The following TBC1D24 variants were observed in gnomAD, a reference collection of about 807,000 sequenced individuals.
TBC1D24 encodes the protein TBC1 domain family member 24.
TBC1D24 carries 47 observed loss-of-function variants against 50.7 expected under a neutral mutation model. The ratio of observed to expected loss-of-function variants is 0.93; its 90% CI spans 0.73 to 1.18. The LOEUF is 1.18. Among genes scored for constraint, TBC1D24 ranks in the 50% most tolerant of loss-of-function variants. TBC1D24 has a pLI of 0.00. For synonymous variants in TBC1D24, 324 were observed against 335.2 expected, an observed-to-expected ratio of 0.97 and a Z score of 0.36; for missense variants, 688 against 766.5, an observed-to-expected ratio of 0.90 and a Z score of 1.21.
chr16:2,480,532 T>C (rs1052956152), intron 1 of TBC1D24: 2 of 152,002 alleles, frequency 1.3e-5, no homozygotes, highest in African/African-American at 4.8e-5. Flanking sequence ...TCTGCCTGAT[T>C]GTTACATAAT....
intron 1 of TBC1D24, chr16:2,481,755 G>A (rs1022231480): frequency 1.3e-5 from 2 of 152,302 alleles, no homozygotes; most frequent in African/African-American, 4.8e-5. Flanking sequence ...GGCTGGCCAA[G>A]GTTGAGGCTC....
In TBC1D24 at chr16:2,501,071, C is replaced by A; in HGVS notation, c.*113C>A. On this transcript the variant is annotated 3_prime_UTR_variant, in exon 8 of 8. Transcript: ENST00000646147. ...CCATGTGGTAGGCAGGGTTGGGGGA[C>A]GGCAGGACCCCATGGCCAAGCCTGG... 2 of 1,399,826 alleles carry A rather than the reference C, an allele frequency of 1.4e-6. No homozygotes were observed. The highest frequency in any genetic ancestry group is 2.1e-5 in the Admixed American group (1 of 48,718). The allele number at this position is 1,399,826 out of a possible 1,614,324, so 86.7% of individuals were successfully genotyped here.
intron 1 of TBC1D24, among the ~76,000 whole-genome samples, chr16:2,488,108 T>C (rs61608337): frequency 0.086 from 13,063 of 152,254 alleles, 1,845 homozygotes; most frequent in African/African-American, 0.29. Context: ...TAGCTCAGGG[T>C]GCCACACTCT....
chr16:2,475,348 A>G lies in TBC1D24; in HGVS notation c.-116+178A>G, dbSNP rs1212825401. ...CGGGTTGGGGGCTCCAGAGCCCGGC[A>G]CCGCCCGGCGCTGCAGCTGCGGCTT... is the stretch of plus-strand genomic sequence containing the variant. On this transcript the variant is annotated intron_variant, in intron 1 of 7. Coordinates refer to ENST00000646147, the MANE Select transcript of TBC1D24 (RefSeq NM_001199107.2). This position sits in a 1 kb window ranked among gnomAD's most constrained non-coding sequence, Gnocchi z 4.2. Among the ~76,000 whole-genome samples, 1 of 149,544 alleles carries G rather than the reference A, an allele frequency of 6.7e-6. No individual in the cohort carries two copies. Among genetic ancestry groups the G allele is most frequent in the Admixed American group, 6.7e-5 (1 of 14,990 alleles).
intron 1 of TBC1D24, chr16:2,479,343 C>T (rs1470641697): frequency 1.3e-5 from 2 of 152,252 alleles, no homozygotes; most frequent in Admixed American, 6.5e-5. Context: ...ACCTAGTTCA[C>T]CTGCAGTCTG....
At chr16:2,488,387 T>C (rs2065667798) in intron 1 of TBC1D24, among the ~76,000 whole-genome samples, 1 of 150,838 alleles carries the variant, frequency 6.6e-6, no homozygotes, top group Admixed American at 6.6e-5. Flanking sequence ...GCCAGAACTG[T>C]GCCCTGTGGC....
At chr16:2,498,550 C>T (rs1257837903) in intron 4 of TBC1D24, among the ~76,000 whole-genome samples, 154 bp downstream of exon 4, 1 of 152,238 alleles carries the variant, frequency 6.6e-6, no homozygotes, top group Non-Finnish European at 1.5e-5. Flanking sequence ...GGGCTCTGTC[C>T]TCCCCACACC....
At chr16:2,489,269 A>G (rs2141862798) in intron 1 of TBC1D24, among the ~76,000 whole-genome samples, 1 of 150,766 alleles carries the variant, frequency 6.6e-6, no homozygotes, top group East Asian at 2.0e-4. Context: ...ATCTCTACTA[A>G]AAATACAAAA....
rs1183710426 is a variant in TBC1D24 at position 2,488,296 on chromosome 16, G to A, written c.-115-7738G>A. On this transcript the variant is annotated intron_variant, in intron 1 of 7. Coordinates refer to ENST00000646147, the MANE Select transcript of TBC1D24 (RefSeq NM_001199107.2). ...TCAACTGGCAGGAACTGCCCTCCCT[G>A]GGAAGGCTGCTGGGGCTGTGGCGGG... Among the ~76,000 whole-genome samples, 9 of 152,206 alleles carry A rather than the reference G, an allele frequency of 5.9e-5. No homozygotes were observed. In the East Asian group the frequency reaches 1.7e-3, roughly 29 times the overall value.
At chr16:2,489,656 A>C (rs2141863273) in intron 1 of TBC1D24, among the ~76,000 whole-genome samples, 1 of 152,206 alleles carries the variant, frequency 6.6e-6, no homozygotes, top group South Asian at 2.1e-4. Flanking sequence ...GTGGCCTGTG[A>C]GAGAGCTGCC....
intron 1 of TBC1D24, 80 bp from the exon 2 acceptor site, chr16:2,495,954 A>G: frequency 1.4e-6 from 1 of 719,460 alleles, no homozygotes; most frequent in Non-Finnish European, 2.2e-6. Flanking sequence ...AAAGAAAACT[A>G]CACCACATTT....
chr16:2,496,871 C>T lies in TBC1D24; in HGVS notation c.723C>T (p.Tyr241=). 1 of 1,614,140 alleles carries T rather than the reference C, an allele frequency of 6.2e-7. No homozygotes were observed. The highest frequency in any genetic ancestry group is 8.5e-7 in the Non-Finnish European group (1 of 1,180,054). The change falls in exon 2 of 8, where the codon TAC becomes TAT. Residue 241 remains tyrosine, a synonymous_variant. Coordinates refer to ENST00000646147, the MANE Select transcript of TBC1D24 (RefSeq NM_001199107.2). The stretch of plus-strand genomic sequence containing the variant: ...TGGTGGAGGGCTACAAGGTGCTGTA[C>T]CGCGTGGCGCTGGCCATCCTCAAGT... ...VFLVEGYKVL[Y]RVALAILKFF...
At chr16:2,476,977 T>G (rs2065574124) in intron 1 of TBC1D24, 1 of 152,224 alleles carries the variant, frequency 6.6e-6, no homozygotes, top group Non-Finnish European at 1.5e-5. Context: ...TCAGAAAACA[T>G]ATTAAATGTT....
At position 2,496,148 on chromosome 16, in the gene TBC1D24, T is replaced by A. The variant is rs2065734873; in HGVS notation, c.-1T>A. The A allele has an allele frequency of 6.2e-7, 1 of 1,613,624 alleles. No individual in the cohort carries two copies. The highest frequency in any genetic ancestry group is 1.1e-5 in the South Asian group (1 of 91,070). On this transcript the variant is annotated 5_prime_UTR_variant, in exon 2 of 8. Transcript: ENST00000646147. ...GGCCTCCTCCCGAGCACAGCGGCGC[T>A]ATGGACTCTCCAGGATACAACTGCT...
Position 2,500,711 on chromosome 16 carries a change from C to G in TBC1D24, c.1526-93C>G. 6.7e-7 allele frequency: 1 copy of G among 1,489,436 alleles called. No individual in the cohort carries two copies. The highest frequency in any genetic ancestry group is 9.0e-7 in the Non-Finnish European group (1 of 1,114,710). 92.3% of individuals were successfully genotyped at this position (1,489,436 alleles called of 1,614,324 possible). Reference sequence around the variant, plus strand: ...ACGGTCTGTGCGGTTTCAGAGAGGCCCGTGCAGGGCAGGACAGCTGGGACA... The same window carrying G: ...ACGGTCTGTGCGGTTTCAGAGAGGCGCGTGCAGGGCAGGACAGCTGGGACA... On this transcript the variant is annotated intron_variant, in intron 7 of 7. Coordinates refer to ENST00000646147, the MANE Select transcript of TBC1D24 (RefSeq NM_001199107.2). This position sits in a 1 kb window ranked among gnomAD's most constrained non-coding sequence, Gnocchi z 8.0.
Position 2,500,237 on chromosome 16 carries a change from G to T in TBC1D24, c.1303-31G>T. 3.2e-6 allele frequency: 5 copies of T among 1,554,908 alleles called. No homozygotes were observed. Among genetic ancestry groups the T allele is most frequent in the Non-Finnish European group, 4.4e-6 (5 of 1,143,908 alleles). On this transcript the variant is annotated intron_variant, in intron 6 of 7. Coordinates refer to ENST00000646147, the MANE Select transcript of TBC1D24 (RefSeq NM_001199107.2). The surrounding 1 kb of genome is among the most constrained non-coding windows in gnomAD (Gnocchi z 8.0). ...GGCAGAGGGGCCTGCGAACGCCCGCGCCAGCTCCTCACACTCCCCTTCCAC... is the reference window on the plus strand; with the variant it reads ...GGCAGAGGGGCCTGCGAACGCCCGCTCCAGCTCCTCACACTCCCCTTCCAC...
At position 2,496,423 on chromosome 16, in the gene TBC1D24, T is replaced by G; in HGVS notation, c.275T>G (p.Leu92Arg). 6.2e-7 allele frequency: 1 copy of G among 1,612,938 alleles called. No homozygotes were observed. The highest frequency in any genetic ancestry group is 1.7e-5 in the Admixed American group (1 of 60,024). The change falls in exon 2 of 8, where the codon CTG becomes CGG. Residue 92 changes from leucine (L) to arginine (R), a missense_variant. Physicochemically the swap from Leu to Arg is moderately radical, Grantham distance 102. Transcript: ENST00000646147. ...VGKHSSSCLP[L>R]PEFVDNTQVP... Reference sequence around the variant, plus strand: ...AAGCACAGCAGCAGCTGCCTGCCGCTGCCCGAGTTCGTGGACAACACGCAG... The same window carrying G: ...AAGCACAGCAGCAGCTGCCTGCCGCGGCCCGAGTTCGTGGACAACACGCAG...
At position 2,499,967 on chromosome 16, in the gene TBC1D24, ACCCTGTAGCTGCAT is replaced by A. The variant is rs1298135594; in HGVS notation, c.1302+42_1302+55del. The A allele has an allele frequency of 6.3e-7, 1 of 1,584,776 alleles. No homozygotes were observed. ...CAAGTGTCCCCAAACCCCCACGCAG[ACCCTGTAGCTGCAT>A]CCCTCCAGGAGCACCCGCCTGCCCT... On this transcript the variant is annotated intron_variant, in intron 6 of 7. Transcript: ENST00000646147. This position sits in a 1 kb window ranked among gnomAD's most constrained non-coding sequence, Gnocchi z 4.0.
rs1178633015 is a variant in TBC1D24, at chr16:2,500,704, G to C, written c.1526-100G>C. 1.4e-6 allele frequency: 2 copies of C among 1,478,098 alleles called. No individual in the cohort carries two copies. The highest frequency in any genetic ancestry group is 1.8e-6 in the Non-Finnish European group (2 of 1,107,052). The allele number at this position is 1,478,098 out of a possible 1,614,324, so 91.6% of individuals were successfully genotyped here. A position where few individuals can be genotyped will look rare whatever the true frequency, so the allele number is the denominator to read the frequency against. On this transcript the variant is annotated intron_variant, in intron 7 of 7. Coordinates refer to ENST00000646147, the MANE Select transcript of TBC1D24 (RefSeq NM_001199107.2). This position sits in a 1 kb window ranked among gnomAD's most constrained non-coding sequence, Gnocchi z 8.0. ...AGGGTCAACGGTCTGTGCGGTTTCA[G>C]AGAGGCCCGTGCAGGGCAGGACAGC...
Sources: gnomAD v4.1 joint callset for allele counts (sites outside exome capture counted in the v4.1 genomes callset) on GRCh38, gnomAD v4.1.1 for gene constraint, Gnocchi (gnomAD v3.1) non-coding constraint, MANE v1.5 for transcripts, NCBI Gene and HGNC (gene_info 2026-07-23, HGNC 2026-07-21) for gene names.